The following HDGFL2 variants were observed in gnomAD, a reference collection of about 807,000 sequenced individuals.
HDGFL2 encodes the protein HDGF like 2, also known as hepatoma-derived growth factor-related protein 2.
In HDGFL2, 36 loss-of-function variants were observed where a neutral mutation model predicts 77.1. The observed-to-expected ratio is 0.47, with a 90% CI of 0.36 to 0.62. The LOEUF (loss-of-function observed/expected upper bound fraction) is 0.62, where lower values mean the gene tolerates loss of function less well. Among genes scored for constraint, HDGFL2 ranks in the 20% least tolerant of loss-of-function variants. HDGFL2 has a pLI of 0.00. For synonymous variants in HDGFL2, 463 were observed against 413.1 expected (o/e 1.12, Z -1.46); for missense variants, 976 against 973.4 (o/e 1.00, Z -0.04).
chr19:4,499,621 A>G lies in HDGFL2; in HGVS notation c.1706A>G (p.Glu569Gly), dbSNP rs747131616. The G allele has an allele frequency of 2.5e-6, 4 of 1,600,724 alleles. No individual in the cohort carries two copies. The Admixed American group carries it at 5.2e-5, about 21-fold the overall frequency. Residue 569 changes from glutamate to glycine, a missense_variant, in exon 14 of 16, where the codon GAG becomes GGG. Around this residue, in one of 5 missense-constraint regions of HDGFL2, gnomAD observed 229 missense variants for 187.3 expected, o/e 1.22. Transcript: ENST00000616600. ...GTGAACAAGGCTGGGATGGAGAAGG[A>G]GAAGGCCGAGGAGAAGCTGGCCGGG... ...QKVNKAGMEKEKAEEKLAGEE... is the reference protein window; with the variant it reads ...QKVNKAGMEKGKAEEKLAGEE...
intron 1 of HDGFL2, 35 bp downstream of exon 1, chr19:4,472,457 G>GA (rs1416881826): frequency 4.4e-6 from 2 of 455,780 alleles, no homozygotes; most frequent in South Asian, 6.8e-5. Context: ...CGGTGGGGGG[G>GA]GGGGGGGGGG....
At chr19:4,487,208 C>T (rs1344389665) in intron 3 of HDGFL2, among the ~76,000 whole-genome samples, 1 of 152,122 alleles carries the variant, frequency 6.6e-6, no homozygotes, top group Admixed American at 6.6e-5. Flanking sequence ...CCTCGTGTTC[C>T]ACCCACCGCG....
At chr19:4,475,194 G>T (rs1975039784) in intron 1 of HDGFL2, 81 bp from the exon 2 acceptor site, 1 of 1,252,612 alleles carries the variant, frequency 8.0e-7, no homozygotes, top group East Asian at 2.4e-5. Flanking sequence ...AGCGTGATTT[G>T]CCCCAAGTAA....
intron 6 of HDGFL2, among the ~76,000 whole-genome samples, chr19:4,493,077 G>C (rs1178554834): frequency 1.9e-5 from 1 of 52,946 alleles, no homozygotes; most frequent in African/African-American, 9.5e-5. Flanking sequence ...TGTGTGTGGT[G>C]TGTGTGTGTT....
chr19:4,497,434 T>C (rs1240690050), intron 10 of HDGFL2: 3 of 275,534 alleles, frequency 1.1e-5, no homozygotes, highest in Non-Finnish European at 2.1e-5. Context: ...CCTAAACTCA[T>C]GATCCCCCCG....
chr19:4,478,966 A>C (rs1158028225), intron 3 of HDGFL2, among the ~76,000 whole-genome samples: 1 of 150,506 alleles, frequency 6.6e-6, no homozygotes, highest in Non-Finnish European at 1.5e-5. Context: ...TACAGGCGTG[A>C]GCCACCGCGC....
intron 14 of HDGFL2, 105 bp from the exon 15 acceptor site, chr19:4,501,086 C>T: frequency 1.4e-6 from 2 of 1,428,754 alleles, no homozygotes; most frequent in Non-Finnish European, 1.9e-6. Flanking sequence ...GCATGTGTCA[C>T]CCACGGCGCT....
chr19:4,489,765 A>G (rs917975947), intron 4 of HDGFL2, among the ~76,000 whole-genome samples: 1 of 152,206 alleles, frequency 6.6e-6, no homozygotes, highest in Non-Finnish European at 1.5e-5. Flanking sequence ...GTTATAGTCC[A>G]TACACCATGA....
At chr19:4,481,570 C>G (rs1178964670) in intron 3 of HDGFL2, among the ~76,000 whole-genome samples, 1 of 151,934 alleles carries the variant, frequency 6.6e-6, no homozygotes, top group African/African-American at 2.4e-5. Flanking sequence ...TTGTGATCCA[C>G]CCAACTCGGC....
chr19:4,496,446 A>C, intron 10 of HDGFL2, 41 bp downstream of exon 10: 1 of 1,426,030 alleles, frequency 7.0e-7, no homozygotes, highest in South Asian at 1.2e-5. Flanking sequence ...GGGGCCCCGC[A>C]CCCCGCATCA....
chr19:4,490,744 G>GA (rs1443435448), intron 4 of HDGFL2, among the ~76,000 whole-genome samples: 3 of 151,538 alleles, frequency 2.0e-5, no homozygotes, highest in Non-Finnish European at 2.9e-5. Context: ...AGAGAATTTG[G>GA]AAAAAATACC....
Position 4,488,795 on chromosome 19 carries a change from CAGCGACAGGATGGAG to C in HDGFL2, c.415_429del (p.Arg139_Asp143del), listed in dbSNP as rs1286926256. 1.9e-6 allele frequency: 3 copies of C among 1,551,960 alleles called. No homozygotes were observed. Among genetic ancestry groups the C allele is most frequent in the Non-Finnish European group, 2.6e-6 (3 of 1,147,218 alleles). ...TCACAGCGGTAACCGCCACAGCTGC[CAGCGACAGGATGGAG>C]AGCGACTCAGACTCAGACAAGAGTA... is the stretch of plus-strand genomic sequence containing the variant. On this transcript the variant is annotated inframe_deletion, in exon 4 of 16. Coordinates refer to ENST00000616600, the MANE Select transcript of HDGFL2 (RefSeq NM_001001520.3).
At chr19:4,478,199 T>G (rs977300649) in intron 3 of HDGFL2, among the ~76,000 whole-genome samples, 19 of 37,080 alleles carry the variant, frequency 5.1e-4, no homozygotes, top group African/African-American at 1.9e-3. Context: ...ATGCTGCTGT[T>G]TTTTTTTTTT....
chr19:4,492,767 CTG>C (rs553596878), intron 6 of HDGFL2, among the ~76,000 whole-genome samples: 17 of 109,568 alleles, frequency 1.6e-4, no homozygotes, highest in South Asian at 1.1e-3. Context: ...TCTGGTGTGT[CTG>C]TGTCTATGGT....
intron 3 of HDGFL2, among the ~76,000 whole-genome samples, chr19:4,487,944 A>T (rs1220260409): frequency 1.3e-5 from 1 of 76,706 alleles, no homozygotes. Context: ...TGAATGACTT[A>T]AAAAAAAAAA....
Position 4,472,370 on chromosome 19 carries a change from C to G in HDGFL2, c.20C>G (p.Pro7Arg). 6.7e-7 allele frequency: 1 copy of G among 1,496,722 alleles called. No homozygotes were observed. The highest frequency in any genetic ancestry group is 8.9e-7 in the Non-Finnish European group (1 of 1,118,956). The allele number at this position is 1,496,722 out of a possible 1,614,324, so 92.7% of individuals were successfully genotyped here. Residue 7 changes from proline to arginine, a missense_variant, in exon 1 of 16, where the codon CCC becomes CGC. Transcript: ENST00000616600. MPHAFK[P>R]GDLVFAKMKG... is the part of the protein sequence containing the mutation. The stretch of plus-strand genomic sequence containing the variant: ...GTCAGCATGCCACACGCCTTCAAGC[C>G]CGGGGACTTGGTGTTCGCTAAGATG...
intron 3 of HDGFL2, among the ~76,000 whole-genome samples, chr19:4,486,972 CTTT>C: frequency 6.8e-6 from 1 of 148,080 alleles, no homozygotes. Context: ...CTCTCTCTCT[CTTT>C]TTTTTTTTGA....
At chr19:4,488,996 C>T (rs1975437521) in intron 4 of HDGFL2, 120 bp downstream of exon 4, 5 of 761,416 alleles carry the variant, frequency 6.6e-6, no homozygotes, top group Non-Finnish European at 1.0e-5. Context: ...CTCTGTCGCC[C>T]AGGCTGGAGT....
At chr19:4,494,970 G>C (rs959494530) in intron 9 of HDGFL2, among the ~76,000 whole-genome samples, 12 of 151,998 alleles carry the variant, frequency 7.9e-5, no homozygotes, top group Non-Finnish European at 1.6e-4. Flanking sequence ...AGGGTAGTGC[G>C]TGCTGTCCGG....
Sources: allele counts gnomAD v4.1 joint callset (sites outside exome capture counted in the v4.1 genomes callset), GRCh38; gene constraint gnomAD v4.1.1; regional missense constraint gnomAD v4.1.1; transcripts MANE v1.5; gene names NCBI Gene and HGNC (gene_info 2026-07-23, HGNC 2026-07-21).